B3GALNT2: variants seen among roughly 807,000 people sequenced by gnomAD.
The protein encoded by B3GALNT2 is beta-1,3-N-acetylgalactosaminyltransferase 2.
Under a neutral mutation model 61.1 loss-of-function variants are expected in B3GALNT2, and 53 were observed. The ratio of observed to expected loss-of-function variants is 0.87; its 90% CI spans 0.70 to 1.09. The LOEUF is 1.09. Ranked by LOEUF, B3GALNT2 falls within the 50% of genes least tolerant of loss-of-function variation. B3GALNT2 has a pLI of 0.00. For missense variants in B3GALNT2, 544 were observed against 623.0 expected (o/e 0.87, Z 1.35); for synonymous variants, 223 against 237.4 (o/e 0.94, Z 0.56).
At chr1:235,485,800 C>A (rs1035103716) in intron 3 of B3GALNT2, among the ~76,000 whole-genome samples, 1 of 152,132 alleles carries the variant, frequency 6.6e-6, no homozygotes, top group Non-Finnish European at 1.5e-5. Flanking sequence ...GTACACACAC[C>A]TATTTACTTA....
downstream of B3GALNT2, among the ~76,000 whole-genome samples, chr1:235,445,358 G>C (rs1682178341): frequency 6.6e-6 from 1 of 152,200 alleles, no homozygotes; most frequent in South Asian, 2.1e-4. Context: ...GCCAGGCATG[G>C]TGGCTCACAC....
At chr1:235,445,787 G>C (rs1238906062), downstream of B3GALNT2, among the ~76,000 whole-genome samples, 1 of 152,052 alleles carries the variant, frequency 6.6e-6, no homozygotes, top group Admixed American at 6.6e-5. Context: ...ATACACATAT[G>C]CTCTGACCAA....
At chr1:235,501,421 TG>T (rs1426162323) in intron 1 of B3GALNT2, among the ~76,000 whole-genome samples, 1 of 152,262 alleles carries the variant, frequency 6.6e-6, no homozygotes, top group Non-Finnish European at 1.5e-5. Flanking sequence ...TGGACTTCCC[TG>T]ACCTATTTAA....
At chr1:235,443,150 GC>G (rs1288434415), downstream of B3GALNT2, among the ~76,000 whole-genome samples, 1 of 150,952 alleles carries the variant, frequency 6.6e-6, no homozygotes, top group Non-Finnish European at 1.5e-5. Flanking sequence ...AAAATTGGAA[GC>G]CCCTGCATAT....
intron 2 of B3GALNT2, among the ~76,000 whole-genome samples, chr1:235,491,588 G>T (rs557974876): frequency 1.8e-4 from 27 of 152,182 alleles, no homozygotes; most frequent in Non-Finnish European, 3.8e-4. Context: ...TGTTTTGATT[G>T]ATGATTCCAC....
In B3GALNT2 at chr1:235,494,772, C is replaced by T. The variant is rs142756842; in HGVS notation, c.169G>A (p.Val57Met). 250 of 1,611,234 alleles carry T rather than the reference C, an allele frequency of 1.6e-4. No homozygotes were observed. Among genetic ancestry groups the T allele is most frequent in the Middle Eastern group, 4.9e-4 (3 of 6,074 alleles). The change falls in exon 2 of 12, where the codon GTG (valine) becomes ATG (methionine). Residue 57 changes from valine to methionine, a missense_variant. Physicochemically the swap from Val to Met is conservative, Grantham distance 21 (BLOSUM62 1). Coordinates refer to ENST00000366600, the MANE Select transcript of B3GALNT2 (RefSeq NM_152490.5). ...KSTHYDVVVGVLSARNNHELR... is the reference protein window; with the variant it reads ...KSTHYDVVVGMLSARNNHELR... Reference sequence around the variant, plus strand: ...TCATGGTTATTGCGAGCTGACAACACGCCAACTACCACATCATAGTGAGTA... The same window carrying T: ...TCATGGTTATTGCGAGCTGACAACATGCCAACTACCACATCATAGTGAGTA...
chr1:235,448,864 G>C lies in B3GALNT2; in HGVS notation c.*1342C>G. ...CAATTCTACTGTCAAAACAAAGGGG[G>C]TTTACAACTTGTCCTAAGTATAACA... On this transcript the variant is annotated 3_prime_UTR_variant, in exon 12 of 12. Transcript: ENST00000366600. The C allele has an allele frequency of 1.1e-6, 1 of 896,370 alleles. No individual in the cohort carries two copies. 55.5% of individuals were successfully genotyped at this position (896,370 alleles called of 1,614,324 possible). A position where few individuals can be genotyped will look rare whatever the true frequency, so the allele number is the denominator to read the frequency against.
At chr1:235,446,914 G>A (rs1682373264), downstream of B3GALNT2, among the ~76,000 whole-genome samples, 1 of 151,972 alleles carries the variant, frequency 6.6e-6, no homozygotes, top group African/African-American at 2.4e-5. Flanking sequence ...AAATTCCTGG[G>A]CTCTGATCCC....
downstream of B3GALNT2, chr1:235,442,986 CT>C: frequency 6.9e-7 from 1 of 1,447,502 alleles, no homozygotes; most frequent in South Asian, 1.2e-5. Context: ...AAATTAAAAC[CT>C]TTAACTCATG....
chr1:235,458,630 G>A lies in B3GALNT2; in HGVS notation c.998C>T (p.Pro333Leu), dbSNP rs1683275451. The A allele has an allele frequency of 6.2e-7, 1 of 1,606,334 alleles. No individual in the cohort carries two copies. Among genetic ancestry groups the A allele is most frequent in the Non-Finnish European group, 8.5e-7 (1 of 1,177,762 alleles). Reference sequence around the variant, plus strand: ...TCTATAGAAGTTCAATAATTTTGCAGGAACATTACGATAAGTGTCGACAAC... The same window carrying A: ...TCTATAGAAGTTCAATAATTTTGCAAGAACATTACGATAAGTGTCGACAAC... ...VDVVDTYRNV[P>L]AKLLNFYRWT... The change falls in exon 8 of 12, where the codon CCT becomes CTT. Residue 333 changes from proline (P) to leucine (L), a missense_variant. Physicochemically the swap from Pro to Leu is moderately conservative, Grantham distance 98. Coordinates refer to ENST00000366600, the MANE Select transcript of B3GALNT2 (RefSeq NM_152490.5).
chr1:235,442,943 CTCTGAA>C, downstream of B3GALNT2: 1 of 1,611,172 alleles, frequency 6.2e-7, no homozygotes, highest in East Asian at 2.2e-5. Flanking sequence ...TTTCCTTAAA[CTCTGAA>C]TCATCGGCCT....
chr1:235,462,053 A>G (rs998345293), intron 7 of B3GALNT2, among the ~76,000 whole-genome samples: 6 of 152,202 alleles, frequency 3.9e-5, no homozygotes, highest in Non-Finnish European at 8.8e-5. Context: ...AAGCTATAAC[A>G]TTCGGCAGGC....
At position 235,465,465 on chromosome 1, in the gene B3GALNT2, G is replaced by A. The variant is rs147731214; in HGVS notation, c.841+171C>T. ...GGGTTTCCTTTTGGGAGGTGGAGCC[G>A]GTTGTAGAACTCTAAGAATACACTA... On this transcript the variant is annotated intron_variant, in intron 7 of 11. Transcript: ENST00000366600. The A allele has an allele frequency of 2.5e-3, 2,561 of 1,035,678 alleles. 12 individuals carry two copies. The highest frequency in any genetic ancestry group is 0.01 in the Middle Eastern group (30 of 2,904). 64.2% of individuals were successfully genotyped at this position (1,035,678 alleles called of 1,614,324 possible). A position where few individuals can be genotyped will look rare whatever the true frequency, so the allele number is the denominator to read the frequency against.
chr1:235,469,645 G>C (rs1377033351), intron 6 of B3GALNT2, among the ~76,000 whole-genome samples: 1 of 151,200 alleles, frequency 6.6e-6, no homozygotes, highest in Non-Finnish European at 1.5e-5. Context: ...CTCCACCTCT[G>C]GGGTTCAAGC....
At chr1:235,499,533 C>T (rs1282699487) in intron 1 of B3GALNT2, among the ~76,000 whole-genome samples, 1 of 152,142 alleles carries the variant, frequency 6.6e-6, no homozygotes, top group African/African-American at 2.4e-5. Flanking sequence ...AATCACAATC[C>T]CAAGCAAGCT....
intron 8 of B3GALNT2, among the ~76,000 whole-genome samples, chr1:235,457,489 A>C (rs1190761779): frequency 2.6e-5 from 4 of 152,186 alleles, no homozygotes; most frequent in Non-Finnish European, 2.9e-5. Flanking sequence ...CTATACGTTA[A>C]GATTATATAG....
At chr1:235,442,772 C>A, downstream of B3GALNT2, 1 of 1,362,964 alleles carries the variant, frequency 7.3e-7, no homozygotes, top group Non-Finnish European at 1.0e-6. Flanking sequence ...TATCATTTGG[C>A]CATCTGTTGA....
chr1:235,489,419 G>T, intron 2 of B3GALNT2, 151 bp from the exon 3 acceptor site: 1 of 1,305,942 alleles, frequency 7.7e-7, no homozygotes. Flanking sequence ...ACAAAATGGG[G>T]GAACAAGTAA....
In B3GALNT2 at chr1:235,449,226, C is replaced by CTATTAT. The variant is rs1682738378; in HGVS notation, c.*974_*979dup. 1 of 189,120 alleles carries CTATTAT rather than the reference C, an allele frequency of 5.3e-6. No individual in the cohort carries two copies. The highest frequency in any genetic ancestry group is 1.1e-5 in the Non-Finnish European group (1 of 90,164). 11.7% of individuals were successfully genotyped at this position (189,120 alleles called of 1,614,324 possible). A position where few individuals can be genotyped will look rare whatever the true frequency, so the allele number is the denominator to read the frequency against. ...ATCCTCTACTATGTATAACAATATGCTATTATCTGTCTTCTCAGTTGCACT... is the reference window on the plus strand; with the variant it reads ...ATCCTCTACTATGTATAACAATATGCTATTATTATTATCTGTCTTCTCAGTTGCACT... On this transcript the variant is annotated 3_prime_UTR_variant, in exon 12 of 12. Coordinates refer to ENST00000366600, the MANE Select transcript of B3GALNT2 (RefSeq NM_152490.5).
Sources: gnomAD v4.1 joint callset for allele counts (sites outside exome capture counted in the v4.1 genomes callset) on GRCh38, gnomAD v4.1.1 for gene constraint, MANE v1.5 for transcripts, NCBI Gene and HGNC (gene_info 2026-07-23, HGNC 2026-07-21) for gene names.